The following KCNH5 variants were observed in gnomAD, a reference collection of about 807,000 sequenced individuals.
The protein encoded by KCNH5 is voltage-gated delayed rectifier potassium channel KCNH5.
Under a neutral mutation model 96.1 loss-of-function variants are expected in KCNH5, and 46 were observed. The ratio of observed to expected loss-of-function variants is 0.48; its 90% CI spans 0.38 to 0.61. The LOEUF (loss-of-function observed/expected upper bound fraction) is 0.61, where lower values mean the gene tolerates loss of function less well. Ranked by LOEUF, KCNH5 falls within the 20% of genes least tolerant of loss-of-function variation. The probability of loss-of-function intolerance (pLI) is 0.00; values close to 1 mark genes in which losing one functional copy is unlikely to be tolerated. For missense variants in KCNH5, 907 were observed against 1,225.8 expected, an observed-to-expected ratio of 0.74 and a Z score of 3.88; for synonymous variants, 439 against 449.8, an observed-to-expected ratio of 0.98 and a Z score of 0.30.
intron 10 of KCNH5, among the ~76,000 whole-genome samples, chr14:62,773,409 G>C (rs72625625): frequency 0.059 from 9,033 of 152,058 alleles, 407 homozygotes; most frequent in East Asian, 0.26. Flanking sequence ...CCTTTATGCC[G>C]CCTGTGTACT....
chr14:62,884,632 A>C (rs998361559), intron 7 of KCNH5, among the ~76,000 whole-genome samples: 2 of 152,220 alleles, frequency 1.3e-5, no homozygotes, highest in African/African-American at 4.8e-5. Context: ...TCTCAAAAAA[A>C]GAAAGAAAGA....
intron 10 of KCNH5, among the ~76,000 whole-genome samples, chr14:62,747,492 T>C (rs112600916): frequency 2.0e-5 from 3 of 152,228 alleles, no homozygotes; most frequent in African/African-American, 4.8e-5. Flanking sequence ...TCTATTTCTA[T>C]AGCCACAAAG....
chr14:62,821,292 C>G (rs1887109471), intron 8 of KCNH5, among the ~76,000 whole-genome samples: 2 of 151,880 alleles, frequency 1.3e-5, no homozygotes, highest in African/African-American at 4.8e-5. Flanking sequence ...AACTTTGTAT[C>G]AATGCTATTG....
chr14:62,758,143 C>CAAAA (rs57935686), intron 10 of KCNH5, among the ~76,000 whole-genome samples: 1 of 104,128 alleles, frequency 9.6e-6, no homozygotes, highest in African/African-American at 4.0e-5. Context: ...GACTCCATCT[C>CAAAA]AAAAAAAAAA....
chr14:62,830,823 A>AT (rs138824758), intron 8 of KCNH5, among the ~76,000 whole-genome samples: 3 of 151,974 alleles, frequency 2.0e-5, no homozygotes, highest in Admixed American at 1.3e-4. Context: ...ATATTACCAG[A>AT]TTTTTTTTCA....
At position 63,045,406 on chromosome 14, in the gene KCNH5, C is replaced by T; in HGVS notation, c.-220G>A. ...GCAGTTCATGGTAGTAGCGCTCCCC[C>T]GGCCGCCGCTGCCCAGACTGTGGCG... is the stretch of plus-strand genomic sequence containing the variant. On this transcript the variant is annotated 5_prime_UTR_variant, in exon 1 of 11. Transcript: ENST00000322893. 1.8e-6 allele frequency: 1 copy of T among 567,394 alleles called. No individual in the cohort carries two copies. The highest frequency in any genetic ancestry group is 2.1e-5 in the South Asian group (1 of 47,628). The allele number at this position is 567,394 out of a possible 1,614,324, so 35.1% of individuals were successfully genotyped here. A position where few individuals can be genotyped will look rare whatever the true frequency, so the allele number is the denominator to read the frequency against.
intron 6 of KCNH5, among the ~76,000 whole-genome samples, chr14:62,960,076 C>T (rs957373019): frequency 2.0e-5 from 3 of 152,178 alleles, no homozygotes; most frequent in African/African-American, 4.8e-5. Context: ...ACTCTCCATC[C>T]AATTTTCAAT....
intron 10 of KCNH5, among the ~76,000 whole-genome samples, chr14:62,711,286 C>A: frequency 7.1e-6 from 1 of 140,956 alleles, no homozygotes; most frequent in Non-Finnish European, 1.5e-5. Flanking sequence ...TAGCTAGAAA[C>A]AAAGACTCCA....
intron 10 of KCNH5, among the ~76,000 whole-genome samples, chr14:62,744,133 A>C (rs1885328267): frequency 6.6e-6 from 1 of 152,110 alleles, no homozygotes; most frequent in Non-Finnish European, 1.5e-5. Flanking sequence ...CTTTGCTATC[A>C]CCTCACCTAC....
intron 7 of KCNH5, among the ~76,000 whole-genome samples, chr14:62,912,776 A>G (rs116301258): frequency 0.011 from 1,738 of 152,322 alleles, 48 homozygotes; most frequent in African/African-American, 0.039. Flanking sequence ...GTTAAATATA[A>G]AATTAATAGT....
chr14:62,935,549 T>C (rs970590272), intron 7 of KCNH5, among the ~76,000 whole-genome samples: 3 of 152,172 alleles, frequency 2.0e-5, no homozygotes, highest in African/African-American at 7.2e-5. Flanking sequence ...CTGGTTATTT[T>C]TCCCACAGAG....
chr14:62,764,092 A>G lies in KCNH5; in HGVS notation c.2019+15636T>C, dbSNP rs1885810873. 2.0e-5 allele frequency among the ~76,000 whole-genome samples: 3 copies of G among 152,218 alleles called. No homozygotes were observed. In the South Asian group the frequency reaches 6.2e-4, roughly 32 times the overall value. On this transcript the variant is annotated intron_variant, in intron 10 of 10. Coordinates refer to ENST00000322893, the MANE Select transcript of KCNH5 (RefSeq NM_139318.5). ...TACAAATAATGAAAACTGCAGGCCA[A>G]CATTCCTGATGAACAGAGATGCAAT...
chr14:62,732,129 AG>A lies in KCNH5; in HGVS notation c.2020-23675del, dbSNP rs1252087796. Among the ~76,000 whole-genome samples, 3 of 152,178 alleles carry A rather than the reference AG, an allele frequency of 2.0e-5. No homozygotes were observed. In the East Asian group the frequency reaches 5.8e-4, roughly 29 times the overall value. On this transcript the variant is annotated intron_variant, in intron 10 of 10. Transcript: ENST00000322893. The stretch of plus-strand genomic sequence containing the variant: ...TCAAAACTCTCTTCAAAATCCACAC[AG>A]ATCCCCACCTCTTACTATCAGCAGA...
At chr14:62,814,068 T>C (rs1886924550) in intron 8 of KCNH5, among the ~76,000 whole-genome samples, 1 of 152,170 alleles carries the variant, frequency 6.6e-6, no homozygotes, top group Non-Finnish European at 1.5e-5. Context: ...AGGTCATATT[T>C]AGCAATAAAA....
At chr14:62,959,975 T>C (rs147642153) in intron 6 of KCNH5, among the ~76,000 whole-genome samples, 1 of 152,308 alleles carries the variant, frequency 6.6e-6, no homozygotes, top group Non-Finnish European at 1.5e-5. Context: ...AATTATCTCA[T>C]AGCTTCCCAC....
At chr14:62,824,009 GA>G (rs1887167432) in intron 8 of KCNH5, among the ~76,000 whole-genome samples, 1 of 150,794 alleles carries the variant, frequency 6.6e-6, no homozygotes, top group Non-Finnish European at 1.5e-5. Flanking sequence ...AAAAAGCAAA[GA>G]AAAAAACTTA....
chr14:62,851,672 T>A (rs904108087), intron 7 of KCNH5, among the ~76,000 whole-genome samples: 2 of 152,080 alleles, frequency 1.3e-5, no homozygotes, highest in Admixed American at 1.3e-4. Context: ...ATTTTAAATT[T>A]TTAAAATAAT....
intron 8 of KCNH5, among the ~76,000 whole-genome samples, chr14:62,828,356 C>T (rs2140024818): frequency 6.6e-6 from 1 of 152,258 alleles, no homozygotes; most frequent in South Asian, 2.1e-4. Context: ...TTTTTCTTAA[C>T]TAGCAATAGT....
intron 8 of KCNH5, among the ~76,000 whole-genome samples, chr14:62,837,701 GAATA>G (rs1887491949): frequency 6.6e-6 from 1 of 152,148 alleles, no homozygotes; most frequent in South Asian, 2.1e-4. Flanking sequence ...GAGAATGGCT[GAATA>G]AATGAACTAC....
Sources: gnomAD v4.1 joint callset for allele counts (sites outside exome capture counted in the v4.1 genomes callset) on GRCh38, gnomAD v4.1.1 for gene constraint, MANE v1.5 for transcripts, NCBI Gene and HGNC (gene_info 2026-07-23, HGNC 2026-07-21) for gene names.